Variants in ARFGEF1 observed in about 807,000 individuals in gnomAD.
ARFGEF1 encodes the protein ARF guanine nucleotide exchange factor 1, also known as brefeldin A-inhibited guanine nucleotide-exchange protein 1.
A neutral mutation model predicts 231.0 loss-of-function variants in ARFGEF1; 42 were observed. The ratio of observed to expected loss-of-function variants is 0.18; its 90% CI spans 0.14 to 0.24. The LOEUF is 0.24. Ranked by LOEUF, ARFGEF1 falls within the 10% of genes least tolerant of loss-of-function variation. ARFGEF1 has a pLI of 1.00. For missense variants in ARFGEF1, 1,345 were observed against 2,192.0 expected (o/e 0.61, Z 7.72); for synonymous variants, 710 against 732.3 (o/e 0.97, Z 0.49).
At chr8:67,231,762 G>A (rs1314866072) in intron 23 of ARFGEF1, among the ~76,000 whole-genome samples, 29 of 152,064 alleles carry the variant, frequency 1.9e-4, no homozygotes, top group Admixed American at 1.9e-3. Flanking sequence ...GAATGAGCAA[G>A]TTATTTAATC....
intron 1 of ARFGEF1, among the ~76,000 whole-genome samples, chr8:67,306,638 T>C (rs1488072728): frequency 1.3e-5 from 2 of 152,198 alleles, no homozygotes; most frequent in African/African-American, 4.8e-5. Context: ...ACACTATGAA[T>C]TATTTGTATT....
intron 7 of ARFGEF1, among the ~76,000 whole-genome samples, chr8:67,281,707 T>C (rs1020398215): frequency 6.6e-6 from 1 of 151,982 alleles, no homozygotes; most frequent in African/African-American, 2.4e-5. Flanking sequence ...TGAAAAACTT[T>C]TAGAAATAAT....
At chr8:67,228,319 A>G (rs2128872385) in intron 23 of ARFGEF1, 55 bp from the exon 24 acceptor site, 2 of 1,518,620 alleles carry the variant, frequency 1.3e-6, no homozygotes, top group East Asian at 2.3e-5. Context: ...TCTTATTCCA[A>G]TTGAAAAGTA....
chr8:67,214,074 G>A (rs1482718309), intron 33 of ARFGEF1, among the ~76,000 whole-genome samples: 1 of 152,228 alleles, frequency 6.6e-6, no homozygotes, highest in African/African-American at 2.4e-5. Context: ...ACATTGCCCT[G>A]AAGAGACTGT....
rs535317928 is a variant in ARFGEF1 at position 67,267,460 on chromosome 8, C to T, written c.1573-18G>A. On this transcript the variant is annotated intron_variant, in intron 10 of 38. Coordinates refer to ENST00000262215, the MANE Select transcript of ARFGEF1 (RefSeq NM_006421.5). ...AAGAACACCTGTGATTAGGAGAAAA[C>T]TTCTGTTTAAAATATTGTTTAGAAT... 2.1e-6 allele frequency: 3 copies of T among 1,462,912 alleles called. No homozygotes were observed. In the South Asian group the frequency reaches 3.5e-5, roughly 17 times the overall value. The allele number at this position is 1,462,912 out of a possible 1,614,324, so 90.6% of individuals were successfully genotyped here.
chr8:67,241,964 T>C (rs1432260452), intron 19 of ARFGEF1, among the ~76,000 whole-genome samples: 1 of 152,030 alleles, frequency 6.6e-6, no homozygotes, highest in Admixed American at 6.5e-5. Flanking sequence ...CCTGTCACAG[T>C]AGAAAGCAAA....
chr8:67,256,090 G>A (rs1840444067), intron 17 of ARFGEF1, among the ~76,000 whole-genome samples: 2 of 152,142 alleles, frequency 1.3e-5, no homozygotes, highest in African/African-American at 2.4e-5. Context: ...AAATACTCTA[G>A]TGTAGATTGA....
chr8:67,233,246 T>G (rs953605078), intron 22 of ARFGEF1, among the ~76,000 whole-genome samples: 1 of 151,936 alleles, frequency 6.6e-6, no homozygotes, highest in African/African-American at 2.4e-5. Flanking sequence ...CCCTTAATGT[T>G]TAAAGAAATG....
At chr8:67,254,047 A>G (rs1206176020) in intron 17 of ARFGEF1, among the ~76,000 whole-genome samples, 4 of 152,256 alleles carry the variant, frequency 2.6e-5, no homozygotes, top group Non-Finnish European at 4.4e-5. Context: ...TACAGTGGGT[A>G]TAAGAGTAAC....
intron 19 of ARFGEF1, among the ~76,000 whole-genome samples, chr8:67,240,870 T>C (rs1445443567): frequency 6.6e-6 from 1 of 152,160 alleles, no homozygotes; most frequent in Non-Finnish European, 1.5e-5. Context: ...AACAAATACT[T>C]ACTGAAATTT....
intron 5 of ARFGEF1, among the ~76,000 whole-genome samples, chr8:67,192,183 T>G (rs1031921289): frequency 2.6e-5 from 4 of 151,792 alleles, no homozygotes; most frequent in Non-Finnish European, 5.9e-5. Context: ...CAAGGGATTC[T>G]CCTGCCTCAG....
At chr8:67,261,671 G>C (rs775125189) in intron 14 of ARFGEF1, among the ~76,000 whole-genome samples, 7 of 152,134 alleles carry the variant, frequency 4.6e-5, no homozygotes, top group Non-Finnish European at 7.4e-5. Context: ...TTGGATGAAA[G>C]AGTGATTTTG....
chr8:67,236,955 G>A (rs1233048998), intron 22 of ARFGEF1, among the ~76,000 whole-genome samples: 1 of 151,994 alleles, frequency 6.6e-6, no homozygotes, highest in South Asian at 2.1e-4. Context: ...ATTATTTCTC[G>A]TTTGACTAAA....
At chr8:67,222,536 T>G (rs532817594) in intron 29 of ARFGEF1, among the ~76,000 whole-genome samples, 164 of 152,044 alleles carry the variant, frequency 1.1e-3, no homozygotes, top group African/African-American at 3.7e-3. Flanking sequence ...CTGCAACCTC[T>G]ACCTCCCAGG....
At chr8:67,273,443 A>ACC (rs1225929667) in intron 9 of ARFGEF1, among the ~76,000 whole-genome samples, 2 of 149,554 alleles carry the variant, frequency 1.3e-5, no homozygotes, top group Non-Finnish European at 3.0e-5. Context: ...AAAAAAAAAA[A>ACC]AAGTAGCCCA....
intron 14 of ARFGEF1, among the ~76,000 whole-genome samples, chr8:67,262,305 A>G (rs2128891640): frequency 6.6e-6 from 1 of 152,276 alleles, no homozygotes; most frequent in South Asian, 2.1e-4. Context: ...GTAACAAGAG[A>G]CTTAGAAGTA....
At chr8:67,263,507 C>A (rs1413273575) in intron 14 of ARFGEF1, among the ~76,000 whole-genome samples, 1 of 152,140 alleles carries the variant, frequency 6.6e-6, no homozygotes, top group African/African-American at 2.4e-5. Flanking sequence ...TAATTTAGAT[C>A]CAACCCAATG....
intron 5 of ARFGEF1, among the ~76,000 whole-genome samples, chr8:67,293,049 T>C (rs1563894990): frequency 1.3e-5 from 2 of 152,072 alleles, no homozygotes; most frequent in African/African-American, 4.8e-5. Flanking sequence ...AAGGGGAAAA[T>C]TAAGGTTACC....
chr8:67,194,736 C>G (rs1837429542), downstream of ARFGEF1, among the ~76,000 whole-genome samples: 1 of 151,040 alleles, frequency 6.6e-6, no homozygotes. Flanking sequence ...GACAGATTTT[C>G]CTATTATTAT....
Sources: allele counts gnomAD v4.1 joint callset (sites outside exome capture counted in the v4.1 genomes callset), GRCh38; gene constraint gnomAD v4.1.1; transcripts MANE v1.5; gene names NCBI Gene and HGNC (gene_info 2026-07-23, HGNC 2026-07-21).